The following GALNT3 variants were observed in gnomAD, a reference collection of about 807,000 sequenced individuals.
The protein encoded by GALNT3 is GalNAc transferase 3.
Under a neutral mutation model 69.8 loss-of-function variants are expected in GALNT3, and 51 were observed. That is an observed-to-expected ratio of 0.73 (90% CI 0.58 to 0.92). The LOEUF is 0.92. Ranked by LOEUF, GALNT3 falls within the 40% of genes least tolerant of loss-of-function variation. The pLI is 0.00. For missense variants in GALNT3, 711 were observed against 760.0 expected (o/e 0.94, Z 0.76); for synonymous variants, 265 against 248.5 (o/e 1.07, Z -0.63).
At chr2:165,754,881 G>A in intron 8 of GALNT3, 51 bp downstream of exon 8, 1 of 1,590,352 alleles carries the variant, frequency 6.3e-7, no homozygotes, top group Non-Finnish European at 8.6e-7. Context: ...ACCACATAAA[G>A]GTTGGTGGCA....
chr2:165,766,757 C>T (rs1305205925), intron 2 of GALNT3, among the ~76,000 whole-genome samples: 2 of 88,030 alleles, frequency 2.3e-5, no homozygotes, highest in Non-Finnish European at 6.1e-5. Context: ...GAAAACTGCC[C>T]TAAAAAAAGA....
rs1442947447 is a variant in GALNT3 at position 165,770,246 on chromosome 2, G to A, written c.455C>T (p.Ala152Val). Reference protein sequence around the residue: ...ERGEAKHCFNAFASDRISLHR... With the variant: ...ERGEAKHCFNVFASDRISLHR... ...CAAAGAAATCCTGTCACTTGCGAAA[G>A]CATTAAAGCAGTGTTTAGCTTCCCC... Residue 152 changes from alanine (A) to valine (V), a missense_variant, in exon 2 of 11, where the codon GCT becomes GTT. Transcript: ENST00000392701. 1.9e-6 allele frequency: 3 copies of A among 1,614,122 alleles called. No homozygotes were observed. The highest frequency in any genetic ancestry group is 8.5e-7 in the Non-Finnish European group (1 of 1,180,038).
intron 1 of GALNT3, among the ~76,000 whole-genome samples, chr2:165,771,047 TC>T (rs1688744359): frequency 6.6e-6 from 1 of 152,140 alleles, no homozygotes; most frequent in African/African-American, 2.4e-5. Context: ...AAAAATACAT[TC>T]TTTTTAAACT....
At chr2:165,761,578 AC>A (rs1688547344) in intron 4 of GALNT3, among the ~76,000 whole-genome samples, 1 of 150,842 alleles carries the variant, frequency 6.6e-6, no homozygotes, top group Non-Finnish European at 1.5e-5. Flanking sequence ...AAACAAACAA[AC>A]AAACAAACAC....
chr2:165,788,951 G>A (rs1324796171), intron 1 of GALNT3, among the ~76,000 whole-genome samples: 1 of 152,152 alleles, frequency 6.6e-6, no homozygotes, highest in East Asian at 1.9e-4. Flanking sequence ...TCCAGATGGT[G>A]GACTTGAGGT....
intron 2 of GALNT3, among the ~76,000 whole-genome samples, chr2:165,766,964 C>T (rs919634582): frequency 6.6e-6 from 1 of 152,234 alleles, no homozygotes; most frequent in Non-Finnish European, 1.5e-5. Flanking sequence ...GTGAAAGTGG[C>T]ATTGCTCTTC....
At chr2:165,758,893 T>A (rs1403696053) in intron 5 of GALNT3, 29 bp from the exon 6 acceptor site, 1 of 1,330,362 alleles carries the variant, frequency 7.5e-7, no homozygotes. Context: ...TCAAATTTTG[T>A]TATAAAAACT....
At chr2:165,765,257 T>A (rs976348213) in intron 2 of GALNT3, among the ~76,000 whole-genome samples, 3 of 152,204 alleles carry the variant, frequency 2.0e-5, no homozygotes, top group African/African-American at 7.2e-5. Context: ...CACCCAGAGA[T>A]GATGTCTACC....
rs58056903 is a variant in GALNT3, at chr2:165,754,251, G to A, written c.1626+376C>T. 9.9e-5 allele frequency among the ~76,000 whole-genome samples: 15 copies of A among 151,564 alleles called. No homozygotes were observed. In the East Asian group the frequency reaches 2.5e-3, roughly 26 times the overall value. ...AACACAGGCATGCACCACCACGCCCGACAAATTTTTGTATTTTTAGTAGAG... is the reference window on the plus strand; with the variant it reads ...AACACAGGCATGCACCACCACGCCCAACAAATTTTTGTATTTTTAGTAGAG... On this transcript the variant is annotated intron_variant, in intron 9 of 10. Coordinates refer to ENST00000392701, the MANE Select transcript of GALNT3 (RefSeq NM_004482.4).
intron 4 of GALNT3, among the ~76,000 whole-genome samples, chr2:165,760,529 T>C (rs1371623766): frequency 1.3e-5 from 2 of 152,240 alleles, no homozygotes; most frequent in African/African-American, 2.4e-5. Context: ...TGGGTAAGAA[T>C]GTCCAGTATG....
At chr2:165,776,211 G>A (rs904192234) in intron 1 of GALNT3, among the ~76,000 whole-genome samples, 6 of 152,086 alleles carry the variant, frequency 3.9e-5, no homozygotes, top group Non-Finnish European at 7.4e-5. Context: ...CGGGAATAAT[G>A]CCATGTTCCT....
chr2:165,776,306 T>C (rs560795474), intron 1 of GALNT3, among the ~76,000 whole-genome samples: 2 of 152,252 alleles, frequency 1.3e-5, no homozygotes, highest in Admixed American at 1.3e-4. Context: ...CAACTTCCAG[T>C]TGGACTCAGA....
At position 165,748,486 on chromosome 2, in the gene GALNT3, CA is replaced by C. The variant is rs1274966993; in HGVS notation, c.*294del. 3 of 426,644 alleles carry C rather than the reference CA, an allele frequency of 7.0e-6. No homozygotes were observed. Among genetic ancestry groups the C allele is most frequent in the African/African-American group, 2.0e-5 (1 of 50,456 alleles). The allele number at this position is 426,644 out of a possible 1,614,324, so 26.4% of individuals were successfully genotyped here. On this transcript the variant is annotated 3_prime_UTR_variant, in exon 11 of 11. Coordinates refer to ENST00000392701, the MANE Select transcript of GALNT3 (RefSeq NM_004482.4). The stretch of plus-strand genomic sequence containing the variant: ...CTATATATATATATCCCTAAGTGTA[CA>C]AAACACACAAACATCACTTTACTTG...
At chr2:165,766,325 C>G (rs1478055425) in intron 2 of GALNT3, among the ~76,000 whole-genome samples, 1 of 152,202 alleles carries the variant, frequency 6.6e-6, no homozygotes, top group African/African-American at 2.4e-5. Context: ...CCTAAGTGCC[C>G]TTGACTGATT....
intron 2 of GALNT3, among the ~76,000 whole-genome samples, chr2:165,765,480 A>G (rs1264589681): frequency 6.7e-6 from 1 of 149,950 alleles, no homozygotes; most frequent in African/African-American, 2.4e-5. Context: ...AACTTTAAAA[A>G]TTGTACCACT....
chr2:165,766,244 C>A (rs929576107), intron 2 of GALNT3, among the ~76,000 whole-genome samples: 1 of 152,156 alleles, frequency 6.6e-6, no homozygotes, highest in Admixed American at 6.5e-5. Context: ...TAAATAAAGA[C>A]CTAAATCCAT....
chr2:165,762,685 A>G (rs530487745), intron 3 of GALNT3, among the ~76,000 whole-genome samples: 8 of 152,352 alleles, frequency 5.3e-5, no homozygotes, highest in African/African-American at 1.7e-4. Flanking sequence ...AGTATTGGGT[A>G]TATACTTTAA....
Position 165,751,282 on chromosome 2 carries a change from C to T in GALNT3, c.1627-1388G>A, listed in dbSNP as rs544567550. On this transcript the variant is annotated intron_variant, in intron 9 of 10. Transcript: ENST00000392701. ...CTCTTTATGTGTATTACAGTAGGCA[C>T]TCTACAAACATTCGCTGAATTCACA... Among the ~76,000 whole-genome samples the T allele has an allele frequency of 2.0e-5, 3 of 152,274 alleles. No homozygotes were observed. The East Asian group carries it at 5.8e-4, about 29-fold the overall frequency.
intron 1 of GALNT3, among the ~76,000 whole-genome samples, chr2:165,787,882 A>G (rs571004544): frequency 6.6e-6 from 1 of 152,316 alleles, no homozygotes; most frequent in South Asian, 2.1e-4. Flanking sequence ...AAATGATAAA[A>G]CCCCAAGATC....
Sources: gnomAD v4.1 joint callset for allele counts (sites outside exome capture counted in the v4.1 genomes callset) on GRCh38, gnomAD v4.1.1 for gene constraint, MANE v1.5 for transcripts, NCBI Gene and HGNC (gene_info 2026-07-23, HGNC 2026-07-21) for gene names.